Variants in GNB4 observed in about 807,000 individuals in gnomAD.
GNB4 encodes the protein guanine nucleotide-binding protein subunit beta-4.
Under a neutral mutation model 45.2 loss-of-function variants are expected in GNB4, and 28 were observed. That is an observed-to-expected ratio of 0.62 (90% CI 0.46 to 0.85). GNB4 has a LOEUF of 0.85. Among genes scored for constraint, GNB4 ranks in the 40% least tolerant of loss-of-function variants. The pLI, the probability that GNB4 is intolerant of heterozygous loss-of-function variation, is 0.00. For missense variants in GNB4, 321 were observed against 425.4 expected (o/e 0.75, Z 2.16); for synonymous variants, 132 against 143.7 (o/e 0.92, Z 0.58).
the GNB4 span, among the ~76,000 whole-genome samples, chr3:179,512,485 A>T: frequency 6.6e-6 from 1 of 152,190 alleles, no homozygotes; most frequent in East Asian, 1.9e-4. Context: ...TCCAAGAAAA[A>T]GGCAAGACCT....
the GNB4 span, among the ~76,000 whole-genome samples, chr3:179,494,618 G>A: frequency 6.6e-6 from 1 of 151,864 alleles, no homozygotes; most frequent in African/African-American, 2.4e-5. Context: ...AAGAAAAGAA[G>A]GAAGGAAGGG....
At position 179,413,856 on chromosome 3, in the gene GNB4, A is replaced by C. The variant is rs1714720708; in HGVS notation, c.431-75T>G. ...CAGTTACCATGTGAAATAGCAATAT[A>C]TATTTTTAAAAATAGAATACTTGGG... is the stretch of plus-strand genomic sequence containing the variant. On this transcript the variant is annotated intron_variant, in intron 6 of 9. Coordinates refer to ENST00000232564, the MANE Select transcript of GNB4 (RefSeq NM_021629.4). 5 of 1,054,416 alleles carry C rather than the reference A, an allele frequency of 4.7e-6. No individual in the cohort carries two copies. In the South Asian group the frequency reaches 5.5e-5, roughly 12 times the overall value. The allele number at this position is 1,054,416 out of a possible 1,614,324, so 65.3% of individuals were successfully genotyped here.
chr3:179,403,793 G>A (rs142795197), intron 9 of GNB4, among the ~76,000 whole-genome samples: 7,005 of 92,538 alleles, frequency 0.076, 257 homozygotes, highest in Non-Finnish European at 0.11. Flanking sequence ...GCAAGACTCC[G>A]TCTCAAAAAA....
intron 6 of GNB4, among the ~76,000 whole-genome samples, chr3:179,414,081 T>G (rs1387364200): frequency 6.6e-6 from 1 of 152,180 alleles, no homozygotes; most frequent in African/African-American, 2.4e-5. Context: ...GGAAGAACTA[T>G]AATCTATGGC....
intron 5 of GNB4, among the ~76,000 whole-genome samples, chr3:179,416,142 C>T (rs1179548622): frequency 1.3e-5 from 2 of 152,090 alleles, no homozygotes; most frequent in Non-Finnish European, 2.9e-5. Flanking sequence ...AGAAGAGCTT[C>T]CCACTAGCCA....
intron 9 of GNB4, among the ~76,000 whole-genome samples, chr3:179,404,781 G>C (rs1357378186): frequency 6.6e-6 from 1 of 152,106 alleles, no homozygotes; most frequent in African/African-American, 2.4e-5. Context: ...CTGCAGAGGA[G>C]GACTCAGGGT....
At chr3:179,485,015 T>G in the GNB4 span, among the ~76,000 whole-genome samples, 6 of 142,642 alleles carry the variant, frequency 4.2e-5, no homozygotes, top group African/African-American at 7.9e-5. Flanking sequence ...GTTTTTTTTT[T>G]TTTTTTTTTT....
chr3:179,520,037 T>A, the GNB4 span, among the ~76,000 whole-genome samples: 1 of 152,150 alleles, frequency 6.6e-6, no homozygotes, highest in Non-Finnish European at 1.5e-5. Flanking sequence ...ATCCACCCCG[T>A]GGTGGCACAC....
chr3:179,451,680 G>A (rs148097966), upstream of GNB4: 1 of 152,064 alleles, frequency 6.6e-6, no homozygotes, highest in Non-Finnish European at 1.5e-5. Context: ...TTTCTCTCTC[G>A]TTTCCTGCCA....
Position 179,400,037 on chromosome 3 carries a change from C to T in GNB4, c.*1176G>A, listed in dbSNP as rs551971448. 1 of 152,186 alleles carries T rather than the reference C, an allele frequency of 6.6e-6. No individual in the cohort carries two copies. Among genetic ancestry groups the T allele is most frequent in the Non-Finnish European group, 1.5e-5 (1 of 68,044 alleles). 9.4% of individuals were successfully genotyped at this position (152,186 alleles called of 1,614,324 possible). Reference sequence around the variant, plus strand: ...TTTTGGCTTTAAGTGGAATCACTTACATCTAGACATCCTTTGAAGCAAAAC... The same window carrying T: ...TTTTGGCTTTAAGTGGAATCACTTATATCTAGACATCCTTTGAAGCAAAAC... On this transcript the variant is annotated 3_prime_UTR_variant, in exon 10 of 10. Coordinates refer to ENST00000232564, the MANE Select transcript of GNB4 (RefSeq NM_021629.4).
intron 4 of GNB4, among the ~76,000 whole-genome samples, chr3:179,417,720 A>G (rs1714842817): frequency 6.6e-6 from 1 of 152,194 alleles, no homozygotes; most frequent in Admixed American, 6.5e-5. Flanking sequence ...CCATGGTGTA[A>G]AATTCAAAAA....
the GNB4 span, among the ~76,000 whole-genome samples, chr3:179,519,385 G>C: frequency 6.6e-6 from 1 of 152,130 alleles, no homozygotes; most frequent in Non-Finnish European, 1.5e-5. Context: ...CAGACACCAA[G>C]CTTCAGGTAA....
At chr3:179,482,235 C>T in the GNB4 span, among the ~76,000 whole-genome samples, 1 of 152,132 alleles carries the variant, frequency 6.6e-6, no homozygotes, top group Non-Finnish European at 1.5e-5. Flanking sequence ...AATGTTTACT[C>T]ATTGTTTTCT....
the GNB4 span, among the ~76,000 whole-genome samples, chr3:179,516,090 C>T: frequency 6.6e-6 from 1 of 152,170 alleles, no homozygotes; most frequent in East Asian, 1.9e-4. Context: ...AGTGCAATTA[C>T]TTGCTTGATT....
intron 8 of GNB4, among the ~76,000 whole-genome samples, chr3:179,412,755 C>A (rs1293288092): frequency 6.6e-6 from 1 of 151,786 alleles, no homozygotes; most frequent in Non-Finnish European, 1.5e-5. Flanking sequence ...GGGTTGTTCA[C>A]TTTGGTCCCA....
intron 1 of GNB4, among the ~76,000 whole-genome samples, chr3:179,445,389 A>G (rs1715694367): frequency 6.6e-6 from 1 of 152,020 alleles, no homozygotes; most frequent in Non-Finnish European, 1.5e-5. Context: ...CGCTCAATCA[A>G]TCTTCCTACC....
At chr3:179,414,223 T>TA (rs1246965762) in intron 6 of GNB4, among the ~76,000 whole-genome samples, 2 of 152,168 alleles carry the variant, frequency 1.3e-5, no homozygotes, top group Admixed American at 6.5e-5. Flanking sequence ...TAAAAAATAT[T>TA]AAAAAAATAA....
chr3:179,488,680 C>T, the GNB4 span, among the ~76,000 whole-genome samples: 2 of 151,810 alleles, frequency 1.3e-5, no homozygotes, highest in Admixed American at 6.6e-5. Context: ...ACCAAGTGTT[C>T]GTGACTCTAA....
the GNB4 span, among the ~76,000 whole-genome samples, chr3:179,480,217 G>T: frequency 6.6e-6 from 1 of 152,212 alleles, no homozygotes; most frequent in Non-Finnish European, 1.5e-5. Context: ...TGTGAGTGAA[G>T]CTTCTTTTCT....
Sources: gnomAD v4.1 joint callset for allele counts (sites outside exome capture counted in the v4.1 genomes callset) on GRCh38, gnomAD v4.1.1 for gene constraint, MANE v1.5 for transcripts, NCBI Gene and HGNC (gene_info 2026-07-23, HGNC 2026-07-21) for gene names.